Variants in RIPK4 observed in about 807,000 individuals in gnomAD.
RIPK4 encodes the protein receptor interacting serine/threonine kinase 4.
Under a neutral mutation model 42.9 loss-of-function variants are expected in RIPK4, and 17 were observed. The observed-to-expected ratio is 0.40, with a 90% confidence interval of 0.27 to 0.59. RIPK4 has a LOEUF of 0.59. RIPK4 is among the 20% of genes least tolerant of loss of function. The pLI, the probability that RIPK4 is intolerant of heterozygous loss-of-function variation, is 0.47. For synonymous variants in RIPK4, 498 were observed against 499.1 expected (o/e 1.00, Z 0.03); for missense variants, 897 against 1,104.4 (o/e 0.81, Z 2.66).
At position 41,756,810 on chromosome 21, in the gene RIPK4, G is replaced by C; in HGVS notation, c.189C>G (p.Arg63=). 6.2e-7 allele frequency: 1 copy of C among 1,611,568 alleles called. No homozygotes were observed. The highest frequency in any genetic ancestry group is 8.5e-7 in the Non-Finnish European group (1 of 1,178,042). Residue 63 remains arginine, a synonymous_variant, in exon 2 of 8, where the codon CGC becomes CGG. Coordinates refer to ENST00000332512, the MANE Select transcript of RIPK4 (RefSeq NM_020639.3). ...SPSLHVDDRE[R]MELLEEAKKM... ...TCTTGGCTTCTTCCAAAAGCTCCAT[G>C]CGCTCCCTGAAAAAGTTCAAAGGCA...
chr21:41,744,386 T>C (rs553524912), intron 6 of RIPK4, among the ~76,000 whole-genome samples: 1 of 150,384 alleles, frequency 6.6e-6, no homozygotes, highest in Admixed American at 6.6e-5. Context: ...GCCCGCACAG[T>C]GCCGGGCAGC....
intron 1 of RIPK4, 139 bp from the exon 2 acceptor site, chr21:41,756,955 G>T: frequency 3.6e-6 from 3 of 835,304 alleles, no homozygotes; most frequent in Non-Finnish European, 5.5e-6. Context: ...ACACTTCAAT[G>T]TCACATCACG....
chr21:41,758,766 G>T (rs548656049), intron 1 of RIPK4, among the ~76,000 whole-genome samples: 1 of 152,212 alleles, frequency 6.6e-6, no homozygotes, highest in Admixed American at 6.5e-5. Flanking sequence ...GAGGCCCTGC[G>T]GCCTGCAAAG....
Position 41,764,362 on chromosome 21 carries a change from A to G in RIPK4, c.182+2498T>C, listed in dbSNP as rs371870880. 1.8e-4 allele frequency among the ~76,000 whole-genome samples: 27 copies of G among 152,200 alleles called. No homozygotes were observed. In the East Asian group the frequency reaches 5.2e-3, roughly 29 times the overall value. ...GAAAATCAGCCTCACCTGCACCTGT[A>G]CCTGTGGTGGCTCCTATGTAACAAG... On this transcript the variant is annotated intron_variant, in intron 1 of 7. Transcript: ENST00000332512.
At chr21:41,745,937 G>T (rs758469068) in intron 5 of RIPK4, 75 bp from the exon 6 acceptor site, 19 of 1,176,154 alleles carry the variant, frequency 1.6e-5, no homozygotes, top group Admixed American at 5.1e-5. Flanking sequence ...TAAACGCAGG[G>T]CCCCCACGAG....
At chr21:41,766,763 G>A (rs1266413016) in intron 1 of RIPK4, 97 bp downstream of exon 1, 1 of 1,319,014 alleles carries the variant, frequency 7.6e-7, no homozygotes, top group Non-Finnish European at 1.0e-6. Context: ...CCGGGGGTGA[G>A]TTCGGGAGAG....
chr21:41,760,324 C>T (rs995013315), intron 1 of RIPK4, among the ~76,000 whole-genome samples: 1 of 152,196 alleles, frequency 6.6e-6, no homozygotes, highest in Non-Finnish European at 1.5e-5. Flanking sequence ...GTCCCTTTCC[C>T]GCCTTCATGG....
rs781171886 is a variant in RIPK4, at chr21:41,741,300, G to A, written c.1893C>T (p.Asn631=). 8.1e-6 allele frequency: 13 copies of A among 1,608,162 alleles called. No individual in the cohort carries two copies. Among genetic ancestry groups the A allele is most frequent in the African/African-American group, 8.0e-5 (6 of 74,932 alleles). The change falls in exon 8 of 8, where the codon AAC becomes AAT. Residue 631 remains asparagine, a synonymous_variant. Transcript: ENST00000332512. ...RILIDLCSDV[N]VCSLLAQTPL... Reference sequence around the variant, plus strand: ...GTGTCTGTGCCAGCAGGCTGCAGACGTTGACGTCGGAGCACAGGTCGATGA... The same window carrying A: ...GTGTCTGTGCCAGCAGGCTGCAGACATTGACGTCGGAGCACAGGTCGATGA...
In RIPK4 at chr21:41,742,222, G is replaced by A. The variant is rs983709825; in HGVS notation, c.1196-225C>T. On this transcript the variant is annotated intron_variant, in intron 7 of 7. Transcript: ENST00000332512. The surrounding 1 kb of genome is among the most constrained non-coding windows in gnomAD (Gnocchi z 5.1). Reference sequence around the variant, plus strand: ...AATGTCTCCCAGGTGCTCGTTAGTCGGTTTGCAAAATAAAACCCGCTCTCC... The same window carrying A: ...AATGTCTCCCAGGTGCTCGTTAGTCAGTTTGCAAAATAAAACCCGCTCTCC... Among the ~76,000 whole-genome samples, 4 of 152,168 alleles carry A rather than the reference G, an allele frequency of 2.6e-5. No homozygotes were observed. The highest frequency in any genetic ancestry group is 3.9e-4 in the East Asian group (2 of 5,184).
intron 6 of RIPK4, among the ~76,000 whole-genome samples, chr21:41,745,008 G>A (rs925221654): frequency 1.3e-5 from 2 of 152,100 alleles, no homozygotes; most frequent in African/African-American, 2.4e-5. Context: ...TCGAGGTCCC[G>A]CACTGTTGCT....
rs1387186393 is a variant in RIPK4, at chr21:41,766,974, G to A, written c.68C>T (p.Thr23Met). The change falls in exon 1 of 8, where the codon ACG becomes ATG. Residue 23 changes from threonine (T) to methionine (M), a missense_variant. Physicochemically the swap from Thr to Met is moderately conservative, Grantham distance 81. Coordinates refer to ENST00000332512, the MANE Select transcript of RIPK4 (RefSeq NM_020639.3). ...LLRTFDAGEF[T>M]GWEKVGSGGF... The stretch of plus-strand genomic sequence containing the variant: ...GCCCGAGCCCACCTTCTCCCAGCCC[G>A]TGAACTCGCCCGCGTCGAAGGTGCG... The A allele has an allele frequency of 5.6e-6, 9 of 1,605,482 alleles. No homozygotes were observed. The highest frequency in any genetic ancestry group is 1.1e-5 in the South Asian group (1 of 90,472).
Position 41,744,154 on chromosome 21 carries a change from G to C in RIPK4, c.937-14C>G. 6.4e-7 allele frequency: 1 copy of C among 1,568,324 alleles called. No homozygotes were observed. Among genetic ancestry groups the C allele is most frequent in the Non-Finnish European group, 8.7e-7 (1 of 1,155,486 alleles). Reference sequence around the variant, plus strand: ...CGCAGGCACCACCTGCGAAGATGCAGAAGAGGGGGTGGGTGAAGACCCTGC... The same window carrying C: ...CGCAGGCACCACCTGCGAAGATGCACAAGAGGGGGTGGGTGAAGACCCTGC... On this transcript the variant is annotated splice_polypyrimidine_tract_variant and intron_variant, in intron 6 of 7. Transcript: ENST00000332512.
At chr21:41,766,071 G>C (rs572048200) in intron 1 of RIPK4, among the ~76,000 whole-genome samples, 4 of 152,390 alleles carry the variant, frequency 2.6e-5, no homozygotes, top group African/African-American at 9.6e-5. Context: ...TGGGGTGCAG[G>C]AGGGCCCCAT....
intron 3 of RIPK4, among the ~76,000 whole-genome samples, chr21:41,749,889 T>TAAA (rs776305508): frequency 5.0e-4 from 50 of 99,388 alleles, no homozygotes; most frequent in Admixed American, 8.6e-4. Flanking sequence ...CCAAATTGAT[T>TAAA]AAAAAAAAAA....
intron 6 of RIPK4, 116 bp downstream of exon 6, chr21:41,745,643 C>T: frequency 1.3e-6 from 1 of 747,438 alleles, no homozygotes; most frequent in Non-Finnish European, 2.3e-6. Context: ...GCGGGATGGG[C>T]TCAGAAGAGA....
At chr21:41,759,092 G>GT (rs1475530487) in intron 1 of RIPK4, among the ~76,000 whole-genome samples, 2 of 152,006 alleles carry the variant, frequency 1.3e-5, no homozygotes, top group Non-Finnish European at 2.9e-5. Context: ...TGGAAAATCT[G>GT]TTTTTTTGTT....
At chr21:41,761,555 A>G (rs756307603) in intron 1 of RIPK4, among the ~76,000 whole-genome samples, 18 of 152,096 alleles carry the variant, frequency 1.2e-4, no homozygotes, top group Admixed American at 9.8e-4. Flanking sequence ...TCAGACCCAC[A>G]TCCACTGTGC....
intron 5 of RIPK4, 195 bp from the exon 6 acceptor site, chr21:41,746,057 T>C (rs1478735533): frequency 1.4e-6 from 1 of 717,486 alleles, no homozygotes; most frequent in Non-Finnish European, 2.5e-6. Context: ...CGGTAATCAT[T>C]TGAAGGCCTC....
Position 41,751,160 on chromosome 21 carries a change from T to A in RIPK4, c.560A>T (p.Tyr187Phe). The A allele has an allele frequency of 1.2e-6, 2 of 1,613,928 alleles. No homozygotes were observed. The highest frequency in any genetic ancestry group is 1.7e-6 in the Non-Finnish European group (2 of 1,179,974). ...CTCCCTGATGCGCTCTGGAGGGAGG[T>A]AGGCGATTGTGCCAAACAGGCCATC... ...SMDGLFGTIA[Y>F]LPPERIREKS... is the part of the protein sequence containing the mutation. The change falls in exon 3 of 8, where the codon TAC becomes TTC. Residue 187 changes from tyrosine (Y) to phenylalanine (F), a missense_variant. Transcript: ENST00000332512. This position sits in a 1 kb window ranked among gnomAD's most constrained non-coding sequence, Gnocchi z 4.5.
Sources: gnomAD v4.1 joint callset for allele counts (sites outside exome capture counted in the v4.1 genomes callset) on GRCh38, gnomAD v4.1.1 for gene constraint, Gnocchi (gnomAD v3.1) non-coding constraint, MANE v1.5 for transcripts, NCBI Gene and HGNC (gene_info 2026-07-23, HGNC 2026-07-21) for gene names.